The following PALLD variants were observed in gnomAD, a reference collection of about 807,000 sequenced individuals.
PALLD encodes the protein palladin, cytoskeletal associated protein.
Under a neutral mutation model 123.5 loss-of-function variants are expected in PALLD, and 61 were observed. That is an observed-to-expected ratio of 0.49 (90% CI 0.40 to 0.61). PALLD has a LOEUF of 0.61. PALLD is among the 20% of genes least tolerant of loss of function. The pLI, the probability that PALLD is intolerant of heterozygous loss-of-function variation, is 0.00. For synonymous variants in PALLD, 465 were observed against 496.4 expected, an observed-to-expected ratio of 0.94 and a Z score of 0.84; for missense variants, 1,273 against 1,377.0, an observed-to-expected ratio of 0.92 and a Z score of 1.20.
At chr4:168,895,210 C>T (rs1375003511) in intron 12 of PALLD, among the ~76,000 whole-genome samples, 5 of 152,092 alleles carry the variant, frequency 3.3e-5, no homozygotes, top group East Asian at 1.9e-4. Flanking sequence ...GGTGAAACCC[C>T]GTCTCTACTA....
intron 18 of PALLD, among the ~76,000 whole-genome samples, chr4:168,923,320 G>T (rs1275201043): frequency 6.6e-6 from 1 of 152,184 alleles, no homozygotes. Flanking sequence ...AGTTCAGGTA[G>T]AATTTTCATC....
intron 8 of PALLD, among the ~76,000 whole-genome samples, chr4:168,701,879 T>C (rs1053907149): frequency 6.6e-6 from 1 of 152,168 alleles, no homozygotes; most frequent in Non-Finnish European, 1.5e-5. Context: ...CACAGCAGCA[T>C]CTGCGAAGGG....
chr4:168,569,476 A>T (rs990732041), intron 2 of PALLD, among the ~76,000 whole-genome samples: 1 of 152,130 alleles, frequency 6.6e-6, no homozygotes, highest in African/African-American at 2.4e-5. Flanking sequence ...TGCTTCAAGA[A>T]CAACTTAGGT....
At chr4:168,788,521 C>A (rs1737064089) in intron 10 of PALLD, among the ~76,000 whole-genome samples, 1 of 152,240 alleles carries the variant, frequency 6.6e-6, no homozygotes, top group South Asian at 2.1e-4. Flanking sequence ...GCAGTGAAAT[C>A]GTTCTGTGTG....
chr4:168,654,066 C>A (rs1010815229), intron 2 of PALLD, among the ~76,000 whole-genome samples: 8 of 152,124 alleles, frequency 5.3e-5, no homozygotes, highest in African/African-American at 1.9e-4. Context: ...AGCAATCCTT[C>A]AACCTCAGCC....
At chr4:168,900,843 G>A (rs1319944584) in intron 14 of PALLD, among the ~76,000 whole-genome samples, 2 of 152,156 alleles carry the variant, frequency 1.3e-5, no homozygotes, top group African/African-American at 4.8e-5. Flanking sequence ...TGTAGTTTAT[G>A]AACGAAATTC....
chr4:168,806,776 A>C (rs1006492649), intron 10 of PALLD, among the ~76,000 whole-genome samples: 2 of 152,164 alleles, frequency 1.3e-5, no homozygotes. Context: ...CAGTAGTTAC[A>C]TTTGCAGAGT....
chr4:168,653,541 A>G (rs1778258004), intron 2 of PALLD, among the ~76,000 whole-genome samples: 1 of 152,196 alleles, frequency 6.6e-6, no homozygotes, highest in Non-Finnish European at 1.5e-5. Flanking sequence ...GGCAACCCCA[A>G]GGAGAGATAT....
chr4:168,898,669 G>A lies in PALLD; in HGVS notation c.2427G>A (p.Met809Ile), dbSNP rs1755797494. The A allele has an allele frequency of 6.2e-7, 1 of 1,613,918 alleles. No homozygotes were observed. The highest frequency in any genetic ancestry group is 8.5e-7 in the Non-Finnish European group (1 of 1,179,822). The change falls in exon 14 of 22, where the codon ATG (methionine) becomes ATA (isoleucine). Residue 809 changes from methionine to isoleucine, a missense_variant. Around this residue, in one of 2 missense-constraint regions of PALLD, gnomAD observed 329 missense variants for 422.5 expected, o/e 0.78. Transcript: ENST00000505667. ...KLKHYKIFEG[M>I]PVTFTCRVAG... Reference sequence around the variant, plus strand: ...AACATTACAAGATCTTTGAGGGAATGCCAGTAACTTTCACATGTAGAGTGG... The same window carrying A: ...AACATTACAAGATCTTTGAGGGAATACCAGTAACTTTCACATGTAGAGTGG...
chr4:168,913,523 T>C (rs1759473010), intron 15 of PALLD, among the ~76,000 whole-genome samples: 1 of 152,154 alleles, frequency 6.6e-6, no homozygotes, highest in Non-Finnish European at 1.5e-5. Context: ...GATTTCAGAA[T>C]TGGCTACAGC....
intron 10 of PALLD, among the ~76,000 whole-genome samples, chr4:168,845,318 C>T (rs1746670184): frequency 6.6e-6 from 1 of 152,208 alleles, no homozygotes. Flanking sequence ...CTTACTAACA[C>T]CTTTCTTCTT....
chr4:168,826,680 AAAAC>A (rs138563045), intron 10 of PALLD, among the ~76,000 whole-genome samples: 2,954 of 152,316 alleles, frequency 0.019, 94 homozygotes, highest in African/African-American at 0.067. Flanking sequence ...TTAAAAGGCA[AAAAC>A]AAACAAACAA....
chr4:168,713,942 G>GTTT (rs34942776), intron 10 of PALLD, among the ~76,000 whole-genome samples: 4 of 54,700 alleles, frequency 7.3e-5, no homozygotes, highest in East Asian at 6.3e-4. Flanking sequence ...TTTTCCCATT[G>GTTT]TTTTTTTTTT....
intron 2 of PALLD, among the ~76,000 whole-genome samples, chr4:168,600,047 A>G (rs1179502262): frequency 1.7e-4 from 24 of 142,000 alleles, no homozygotes; most frequent in Non-Finnish European, 3.0e-4. Flanking sequence ...ACATGTGTAT[A>G]CACACATATA....
chr4:168,861,592 A>G (rs549901670), intron 10 of PALLD, among the ~76,000 whole-genome samples: 4 of 152,262 alleles, frequency 2.6e-5, no homozygotes, highest in African/African-American at 9.6e-5. Flanking sequence ...ACTTATGGTC[A>G]CAAAGATTTT....
At chr4:168,683,597 T>G (rs1265742453) in intron 5 of PALLD, among the ~76,000 whole-genome samples, 2 of 152,126 alleles carry the variant, frequency 1.3e-5, no homozygotes, top group African/African-American at 4.8e-5. Flanking sequence ...GCTATAGCCA[T>G]GAAAGAACAA....
intron 2 of PALLD, among the ~76,000 whole-genome samples, chr4:168,600,029 A>G (rs1285748807): frequency 1.1e-5 from 1 of 94,796 alleles, no homozygotes; most frequent in Non-Finnish European, 2.3e-5. Flanking sequence ...GTGTACACAC[A>G]CATACATACA....
intron 2 of PALLD, among the ~76,000 whole-genome samples, chr4:168,641,666 C>T (rs1161691588): frequency 1.3e-5 from 2 of 152,150 alleles, no homozygotes; most frequent in Non-Finnish European, 2.9e-5. Flanking sequence ...CTCGGCTGCT[C>T]CAGATGAGAA....
chr4:168,508,563 C>A (rs1269154443), intron 1 of PALLD, among the ~76,000 whole-genome samples: 1 of 152,142 alleles, frequency 6.6e-6, no homozygotes, highest in Non-Finnish European at 1.5e-5. Context: ...TCAGCTTAAT[C>A]TACCACAGGT....
Sources: allele counts gnomAD v4.1 joint callset (sites outside exome capture counted in the v4.1 genomes callset), GRCh38; gene constraint gnomAD v4.1.1; regional missense constraint gnomAD v4.1.1; transcripts MANE v1.5; gene names NCBI Gene and HGNC (gene_info 2026-07-23, HGNC 2026-07-21).